Variants in CHRAC1 observed in about 807,000 individuals in gnomAD.
CHRAC1 encodes chromatin accessibility complex protein 1.
CHRAC1 carries 6 observed loss-of-function variants against 9.1 expected under a neutral mutation model. That is an observed-to-expected ratio of 0.66 (90% CI 0.36 to 1.29). The LOEUF (loss-of-function observed/expected upper bound fraction) is 1.29. CHRAC1 is among the 50% of genes most tolerant of loss of function. The probability of loss-of-function intolerance (pLI) is 0.03; values close to 1 mark genes in which losing one functional copy is unlikely to be tolerated. For synonymous variants in CHRAC1, 73 were observed against 64.5 expected (o/e 1.13, Z -0.63); for missense variants, 168 against 163.5 (o/e 1.03, Z -0.15).
rs1455625174 is a variant in CHRAC1, at chr8:140,516,305, G to A, written c.*1058G>A. The A allele has an allele frequency of 6.6e-6, 1 of 152,108 alleles. No homozygotes were observed. The highest frequency in any genetic ancestry group is 1.9e-4 in the East Asian group (1 of 5,170). 9.4% of individuals were successfully genotyped at this position (152,108 alleles called of 1,614,324 possible). A position where few individuals can be genotyped will look rare whatever the true frequency, so the allele number is the denominator to read the frequency against. On this transcript the variant is annotated 3_prime_UTR_variant, in exon 3 of 3. Transcript: ENST00000220913. ...TGGGATTACAGGCGTGTGCCACCAT[G>A]CCCAACCTATTTTTGTATTTTTTAG...
chr8:140,512,360 C>T (rs1379608924), intron 1 of CHRAC1, among the ~76,000 whole-genome samples: 2 of 152,240 alleles, frequency 1.3e-5, no homozygotes, highest in Non-Finnish European at 2.9e-5. Flanking sequence ...CCCTCCCGCC[C>T]GCCACAGCTG....
Position 140,511,355 on chromosome 8 carries a change from TC to T in CHRAC1, c.-142del. 1 of 670,708 alleles carries T rather than the reference TC, an allele frequency of 1.5e-6. No homozygotes were observed. Among genetic ancestry groups the T allele is most frequent in the East Asian group, 3.5e-5 (1 of 28,170 alleles). 41.5% of individuals were successfully genotyped at this position (670,708 alleles called of 1,614,324 possible). A position where few individuals can be genotyped will look rare whatever the true frequency, so the allele number is the denominator to read the frequency against. ...GCTCGTAGTTTCCCGGACGGGCCGC[TC>T]CCGGCCTCGCGGCCTCGCCTCCCCA... On this transcript the variant is annotated 5_prime_UTR_variant, in exon 1 of 3. Transcript: ENST00000220913.
At chr8:140,512,907 C>T (rs1337965059) in intron 1 of CHRAC1, among the ~76,000 whole-genome samples, 2 of 152,148 alleles carry the variant, frequency 1.3e-5, no homozygotes, top group Non-Finnish European at 2.9e-5. Flanking sequence ...ACCTCTGCCT[C>T]GCGGGTTCAG....
At chr8:140,514,978 T>C (rs552279200) in intron 2 of CHRAC1, 148 bp from the exon 3 acceptor site, 1 of 762,268 alleles carries the variant, frequency 1.3e-6, no homozygotes, top group East Asian at 2.6e-5. Context: ...GTTTCTTTGA[T>C]ATTTTACCCA....
rs777433430 is a variant in CHRAC1 at position 140,511,580 on chromosome 8, C to T, written c.81C>T (p.Ile27=). Residue 27 remains isoleucine, a synonymous_variant, in exon 1 of 3, where the codon ATC becomes ATT. Coordinates refer to ENST00000220913, the MANE Select transcript of CHRAC1 (RefSeq NM_017444.6). Reference sequence around the variant, plus strand: ...TGCCTCTATCCCGCATCCGGGTCATCATGAAGAGCTCCCCCGAGGTGTCCA... The same window carrying T: ...TGCCTCTATCCCGCATCCGGGTCATTATGAAGAGCTCCCCCGAGGTGTCCA... The part of the protein sequence containing the change: ...ISLPLSRIRV[I]MKSSPEVSSI... 1.6e-5 allele frequency: 24 copies of T among 1,484,994 alleles called. No individual in the cohort carries two copies. Among genetic ancestry groups the T allele is most frequent in the Non-Finnish European group, 2.1e-5 (23 of 1,111,364 alleles). The allele number at this position is 1,484,994 out of a possible 1,614,324, so 92.0% of individuals were successfully genotyped here.
chr8:140,512,060 CCTCCCACCTGTGCG>C, intron 1 of CHRAC1: 1 of 1,273,892 alleles, frequency 7.8e-7, no homozygotes, highest in Non-Finnish European at 1.0e-6. Context: ...GCCTTTCGTC[CCTCCCACCTGTGCG>C]CTCACGTCCT....
intron 1 of CHRAC1, among the ~76,000 whole-genome samples, chr8:140,512,813 T>C (rs2072293614): frequency 6.6e-6 from 1 of 152,252 alleles, no homozygotes; most frequent in African/African-American, 2.4e-5. Flanking sequence ...TGAGGATTTA[T>C]GCAGGCACTT....
rs2072311367 is a variant in CHRAC1 at position 140,514,243 on chromosome 8, A to G, written c.148-126A>G. ...TCTTGTAATTTAATTTGAGAAACCA[A>G]GAGAATCTGAAGTCTTAATATACTT... is the stretch of plus-strand genomic sequence containing the variant. On this transcript the variant is annotated intron_variant, in intron 1 of 2. Coordinates refer to ENST00000220913, the MANE Select transcript of CHRAC1 (RefSeq NM_017444.6). 2.8e-6 allele frequency: 3 copies of G among 1,054,486 alleles called. No individual in the cohort carries two copies. The Admixed American group carries it at 1.0e-4, about 37-fold the overall frequency. The allele number at this position is 1,054,486 out of a possible 1,614,324, so 65.3% of individuals were successfully genotyped here. A position where few individuals can be genotyped will look rare whatever the true frequency, so the allele number is the denominator to read the frequency against.
intron 1 of CHRAC1, among the ~76,000 whole-genome samples, chr8:140,512,302 CTT>C (rs1335080954): frequency 5.3e-5 from 8 of 152,182 alleles, no homozygotes; most frequent in Non-Finnish European, 2.9e-5. Flanking sequence ...ACTCGAGGCT[CTT>C]TTCCCGCGCG....
In CHRAC1 at chr8:140,511,848, C is replaced by G. The variant is rs374641436; in HGVS notation, c.147+202C>G. The G allele has an allele frequency of 6.1e-5, 46 of 758,830 alleles. 1 individual carries two copies. In the South Asian group the frequency reaches 6.7e-4, roughly 11 times the overall value. The allele number at this position is 758,830 out of a possible 1,614,324, so 47.0% of individuals were successfully genotyped here. A position where few individuals can be genotyped will look rare whatever the true frequency, so the allele number is the denominator to read the frequency against. ...CACACTTTCTCGCGCGTCTTCGCCC[C>G]GCCCACCCCTCGCCGCTCCCTCACG... On this transcript the variant is annotated intron_variant, in intron 1 of 2. Transcript: ENST00000220913.
In CHRAC1 at chr8:140,511,459, C is replaced by A. The variant is rs1480845177; in HGVS notation, c.-41C>A. Reference sequence around the variant, plus strand: ...CCGGGCAGGGCAGCCACTTCGCGGTCGGGCCCGCCGGCTGCGGGCACCCGC... The same window carrying A: ...CCGGGCAGGGCAGCCACTTCGCGGTAGGGCCCGCCGGCTGCGGGCACCCGC... On this transcript the variant is annotated 5_prime_UTR_variant, in exon 1 of 3. Transcript: ENST00000220913. 5 of 1,295,720 alleles carry A rather than the reference C, an allele frequency of 3.9e-6. No individual in the cohort carries two copies. The highest frequency in any genetic ancestry group is 4.1e-5 in the Admixed American group (1 of 24,492). 80.3% of individuals were successfully genotyped at this position (1,295,720 alleles called of 1,614,324 possible).
chr8:140,511,806 C>T, intron 1 of CHRAC1, 160 bp downstream of exon 1: 1 of 786,280 alleles, frequency 1.3e-6, no homozygotes, highest in Non-Finnish European at 1.9e-6. Context: ...GCGCGCGCTT[C>T]GGTGCCCGCG....
chr8:140,513,401 A>G (rs967814606), intron 1 of CHRAC1, among the ~76,000 whole-genome samples: 3 of 152,224 alleles, frequency 2.0e-5, no homozygotes, highest in Non-Finnish European at 4.4e-5. Flanking sequence ...CCTGAGCCAA[A>G]TAGAATTTTT....
At position 140,515,127 on chromosome 8, in the gene CHRAC1, TATATTACCAAAG is replaced by T. The variant is rs771282235; in HGVS notation, c.278_289del (p.Ile93_Lys96del). The T allele has an allele frequency of 6.2e-7, 1 of 1,611,648 alleles. No homozygotes were observed. The highest frequency in any genetic ancestry group is 8.5e-7 in the Non-Finnish European group (1 of 1,177,976). On this transcript the variant is annotated inframe_deletion and splice_region_variant, in exon 3 of 3. Transcript: ENST00000220913. Reference sequence around the variant, plus strand: ...TGATGTACGCTTTATGTTTTTAAGATATATTACCAAAGAAGATTTTAGCTAGTAAATACCTGA... The same window carrying T: ...TGATGTACGCTTTATGTTTTTAAGATAAGATTTTAGCTAGTAAATACCTGA...
rs543843288 is a variant in CHRAC1 at position 140,515,456 on chromosome 8, C to A, written c.*209C>A. 9.9e-6 allele frequency: 4 copies of A among 404,066 alleles called. No individual in the cohort carries two copies. Among genetic ancestry groups the A allele is most frequent in the Non-Finnish European group, 1.7e-5 (4 of 230,276 alleles). The allele number at this position is 404,066 out of a possible 1,614,324, so 25.0% of individuals were successfully genotyped here. A position where few individuals can be genotyped will look rare whatever the true frequency, so the allele number is the denominator to read the frequency against. ...ACAGCCAGAGGGAAAGCGACCCAGA[C>A]AGCAGCCCCTCCTCGACAGGCCCAC... On this transcript the variant is annotated 3_prime_UTR_variant, in exon 3 of 3. Coordinates refer to ENST00000220913, the MANE Select transcript of CHRAC1 (RefSeq NM_017444.6).
intron 2 of CHRAC1, 177 bp downstream of exon 2, chr8:140,514,672 GT>G: frequency 2.0e-6 from 1 of 512,284 alleles, no homozygotes. Context: ...GTTTGAATGT[GT>G]TTGTCATGTG....
At position 140,514,390 on chromosome 8, in the gene CHRAC1, G is replaced by A. The variant is rs753197200; in HGVS notation, c.169G>A (p.Ala57Thr). 6.3e-7 allele frequency: 1 copy of A among 1,585,820 alleles called. No homozygotes were observed. ...KATELFVQCLATYSYRHGSGK... is the reference protein window; with the variant it reads ...KATELFVQCLTTYSYRHGSGK... ...CTAGGAGCTCTTTGTTCAATGCCTA[G>A]CCACCTATTCCTACAGACACGGCAG... is the stretch of plus-strand genomic sequence containing the variant. The change falls in exon 2 of 3, where the codon GCC becomes ACC. Residue 57 changes from alanine to threonine, a missense_variant. Physicochemically the swap from Ala to Thr is moderately conservative, Grantham distance 58. Transcript: ENST00000220913.
Position 140,514,492 on chromosome 8 carries a change from G to T in CHRAC1, c.271G>T (p.Ala91Ser). 1 of 1,554,836 alleles carries T rather than the reference G, an allele frequency of 6.4e-7. No individual in the cohort carries two copies. The highest frequency in any genetic ancestry group is 1.2e-5 in the South Asian group (1 of 80,062). ...AQQSETFQFL[A>S]DILPKKILAS... ...GCAATCAGAAACTTTTCAGTTTCTTGCAGGTACTTAGTCTTTGAAACATTC... is the reference window on the plus strand; with the variant it reads ...GCAATCAGAAACTTTTCAGTTTCTTTCAGGTACTTAGTCTTTGAAACATTC... The change falls in exon 2 of 3, where the codon GCA becomes TCA. Residue 91 changes from alanine (A) to serine (S), a missense_variant. Physicochemically the swap from Ala to Ser is moderately conservative, Grantham distance 99. Transcript: ENST00000220913.
At chr8:140,512,151 A>C (rs1330281653) in intron 1 of CHRAC1, 1 of 554,798 alleles carries the variant, frequency 1.8e-6, no homozygotes, top group African/African-American at 2.0e-5. Flanking sequence ...CGCTCTTCTC[A>C]TTTGGGTTCT....
Sources: gnomAD v4.1 joint callset for allele counts (sites outside exome capture counted in the v4.1 genomes callset) on GRCh38, gnomAD v4.1.1 for gene constraint, MANE v1.5 for transcripts, NCBI Gene and HGNC (gene_info 2026-07-23, HGNC 2026-07-21) for gene names.